Variants in SAXO2 observed in about 807,000 individuals in gnomAD.
The protein encoded by SAXO2 is family with sequence similarity 154, member B.
SAXO2 carries 17 observed loss-of-function variants against 18.7 expected under a neutral mutation model. The observed-to-expected ratio is 0.91, with a 90% CI of 0.62 to 1.36. SAXO2 has a LOEUF of 1.36. Ranked by LOEUF, SAXO2 falls within the 40% of genes most tolerant of loss-of-function variation. The probability of loss-of-function intolerance (pLI) is 0.00; values close to 1 mark genes in which losing one functional copy is unlikely to be tolerated. For missense variants in SAXO2, 486 were observed against 562.6 expected (o/e 0.86, Z 1.38); for synonymous variants, 163 against 181.2 (o/e 0.90, Z 0.81).
chr15:82,271,946 T>C, intron 3 of SAXO2, 144 bp downstream of exon 3: 1 of 651,932 alleles, frequency 1.5e-6, no homozygotes, highest in Non-Finnish European at 2.6e-6. Flanking sequence ...TTTGGCAAAA[T>C]AGTATTGTAT....
chr15:82,283,094 G>A lies in SAXO2; in HGVS notation c.*32G>A, dbSNP rs1370468500. On this transcript the variant is annotated 3_prime_UTR_variant, in exon 4 of 4. Transcript: ENST00000682753. ...AAATGTGCTTAAAAGGAAGGTACTA[G>A]CAAGTTGTTGTTTTTCCAAGAGAAA... The A allele has an allele frequency of 5.2e-6, 7 of 1,352,096 alleles. No individual in the cohort carries two copies. Among genetic ancestry groups the A allele is most frequent in the Non-Finnish European group, 6.7e-6 (7 of 1,037,190 alleles). The allele number at this position is 1,352,096 out of a possible 1,614,324, so 83.8% of individuals were successfully genotyped here. A position where few individuals can be genotyped will look rare whatever the true frequency, so the allele number is the denominator to read the frequency against.
Position 82,283,142 on chromosome 15 carries a change from AT to A in SAXO2, c.*83del. Reference sequence around the variant, plus strand: ...AAAACTCAATTTTTATAGTTAAAAAATTTATGATATAATAAATCATTTTTTA... The same window carrying A: ...AAAACTCAATTTTTATAGTTAAAAAATTATGATATAATAAATCATTTTTTA... On this transcript the variant is annotated 3_prime_UTR_variant, in exon 4 of 4. Transcript: ENST00000682753. 2.2e-6 allele frequency: 2 copies of A among 899,338 alleles called. No homozygotes were observed. The highest frequency in any genetic ancestry group is 3.0e-6 in the Non-Finnish European group (2 of 658,814). The allele number at this position is 899,338 out of a possible 1,614,324, so 55.7% of individuals were successfully genotyped here.
At chr15:82,269,506 C>G (rs2075250905) in intron 2 of SAXO2, among the ~76,000 whole-genome samples, 1 of 152,078 alleles carries the variant, frequency 6.6e-6, no homozygotes, top group South Asian at 2.1e-4. Flanking sequence ...CCAGGCAGAG[C>G]CTTTAAACCA....
chr15:82,271,095 G>A (rs2075266851), intron 2 of SAXO2, among the ~76,000 whole-genome samples: 1 of 152,230 alleles, frequency 6.6e-6, no homozygotes, highest in African/African-American at 2.4e-5. Context: ...TGTGATTTAT[G>A]TCTAAAGACC....
Position 82,271,813 on chromosome 15 carries a change from G to A in SAXO2, c.433+11G>A. On this transcript the variant is annotated intron_variant, in intron 3 of 3. Coordinates refer to ENST00000682753, the MANE Select transcript of SAXO2 (RefSeq NM_001348699.2). ...TCCCAACCTATAAAGGTAACTTGCT[G>A]TTTCATACATGAAGGAGCCAAAAAA... 1.2e-6 allele frequency: 2 copies of A among 1,605,250 alleles called. No homozygotes were observed. The highest frequency in any genetic ancestry group is 1.3e-5 in the African/African-American group (1 of 74,492).
At chr15:82,270,585 A>G (rs1293583641) in intron 2 of SAXO2, among the ~76,000 whole-genome samples, 1 of 152,176 alleles carries the variant, frequency 6.6e-6, no homozygotes, top group Non-Finnish European at 1.5e-5. Flanking sequence ...TCTTTGGGGA[A>G]CTTACAGACA....
intron 3 of SAXO2, among the ~76,000 whole-genome samples, chr15:82,273,057 C>G (rs1044563097): frequency 6.7e-6 from 1 of 149,378 alleles, no homozygotes; most frequent in African/African-American, 2.5e-5. Flanking sequence ...AGGCACCCGC[C>G]ACCATGCCTA....
chr15:82,271,959 TA>T lies in SAXO2; in HGVS notation c.433+159del, dbSNP rs2075276238. The T allele has an allele frequency of 5.0e-6, 3 of 602,012 alleles. No homozygotes were observed. In the East Asian group the frequency reaches 8.7e-5, roughly 17 times the overall value. 37.3% of individuals were successfully genotyped at this position (602,012 alleles called of 1,614,324 possible). On this transcript the variant is annotated intron_variant, in intron 3 of 3. Coordinates refer to ENST00000682753, the MANE Select transcript of SAXO2 (RefSeq NM_001348699.2). ...TCTTTGGCAAAATAGTATTGTATAG[TA>T]ACAAAAGAAAATAGGCCATTTGTCT...
intron 1 of SAXO2, chr15:82,263,224 C>T (rs2075157110): frequency 1.0e-5 from 15 of 1,464,336 alleles, no homozygotes; most frequent in Non-Finnish European, 1.3e-5. Flanking sequence ...CGGGATATAA[C>T]GCTGGTGAGT....
rs138852049 is a variant in SAXO2, at chr15:82,271,631, A to G, written c.262A>G (p.Lys88Glu). The G allele has an allele frequency of 4.3e-5, 70 of 1,613,524 alleles. 1 individual carries two copies. The East Asian group carries it at 4.9e-4, about 11-fold the overall frequency. Reference protein sequence around the residue: ...KSDYCPYEIVKQPRHVPEEYK... With the variant: ...KSDYCPYEIVEQPRHVPEEYK... ...GGATTATTGTCCTTATGAAATAGTT[A>G]AACAGCCTCGCCATGTGCCAGAAGA... The change falls in exon 3 of 4, where the codon AAA (lysine) becomes GAA (glutamate). Residue 88 changes from lysine to glutamate, a missense_variant. Coordinates refer to ENST00000682753, the MANE Select transcript of SAXO2 (RefSeq NM_001348699.2).
intron 3 of SAXO2, among the ~76,000 whole-genome samples, chr15:82,274,670 C>T (rs576186507): frequency 6.6e-6 from 1 of 150,564 alleles, no homozygotes; most frequent in East Asian, 1.9e-4. Flanking sequence ...CCACTGCACT[C>T]CAGCCTGGGC....
chr15:82,275,541 C>T (rs2075308076), intron 3 of SAXO2, among the ~76,000 whole-genome samples: 1 of 152,034 alleles, frequency 6.6e-6, no homozygotes, highest in Non-Finnish European at 1.5e-5. Flanking sequence ...AATACTAGCA[C>T]ACTAAATCCA....
At chr15:82,266,841 A>G (rs1463861556) in intron 2 of SAXO2, among the ~76,000 whole-genome samples, 3 of 152,252 alleles carry the variant, frequency 2.0e-5, no homozygotes, top group Admixed American at 1.3e-4. Context: ...TTTTTAGAAA[A>G]CGAATACAAT....
At position 82,273,982 on chromosome 15, in the gene SAXO2, C is replaced by T. The variant is rs185598705; in HGVS notation, c.433+2180C>T. Among the ~76,000 whole-genome samples, 237 of 152,102 alleles carry T rather than the reference C, an allele frequency of 1.6e-3. 4 individuals carry two copies. Among genetic ancestry groups the T allele is most frequent in the Non-Finnish European group, 2.5e-3 (168 of 67,966 alleles). ...CAAACTCCTGACCTTGTGATTCGCC[C>T]GCCTTGTCCTCCCAAAGTGCTGGGA... On this transcript the variant is annotated intron_variant, in intron 3 of 3. Coordinates refer to ENST00000682753, the MANE Select transcript of SAXO2 (RefSeq NM_001348699.2).
intron 1 of SAXO2, among the ~76,000 whole-genome samples, chr15:82,264,013 T>C (rs1186162511): frequency 6.6e-6 from 1 of 151,974 alleles, no homozygotes; most frequent in African/African-American, 2.4e-5. Flanking sequence ...GCCTTCATAA[T>C]TCTATCTTCC....
intron 1 of SAXO2, 22 bp downstream of exon 1, chr15:82,262,954 G>C (rs1331779671): frequency 2.5e-6 from 4 of 1,587,764 alleles, no homozygotes; most frequent in Non-Finnish European, 3.4e-6. Flanking sequence ...CTGGTGTAGC[G>C]GCGGGCCCGG....
At chr15:82,263,461 T>C (rs924063443) in intron 1 of SAXO2, 26 of 702,338 alleles carry the variant, frequency 3.7e-5, no homozygotes, top group Admixed American at 3.4e-4. Flanking sequence ...TACCCTGAAA[T>C]CTAGAATCCA....
chr15:82,269,364 G>A (rs1438058037), intron 2 of SAXO2, among the ~76,000 whole-genome samples: 7 of 152,182 alleles, frequency 4.6e-5, no homozygotes, highest in African/African-American at 1.4e-4. Context: ...GGAAGGAAAT[G>A]CATTCCAAGT....
intron 1 of SAXO2, among the ~76,000 whole-genome samples, chr15:82,265,226 C>T (rs758360927): frequency 6.6e-6 from 1 of 152,138 alleles, no homozygotes; most frequent in South Asian, 2.1e-4. Context: ...CTGCAAGCTC[C>T]GCCTCCCAGG....
Sources: gnomAD v4.1 joint callset for allele counts (sites outside exome capture counted in the v4.1 genomes callset) on GRCh38, gnomAD v4.1.1 for gene constraint, MANE v1.5 for transcripts, NCBI Gene and HGNC (gene_info 2026-07-23, HGNC 2026-07-21) for gene names.